The following EXOC6 variants were observed in gnomAD, a reference collection of about 807,000 sequenced individuals.
EXOC6 encodes exocyst complex component 6, also known as SEC15-like 1.
A neutral mutation model predicts 112.5 loss-of-function variants in EXOC6; 60 were observed. The observed-to-expected ratio is 0.53, with a 90% CI of 0.43 to 0.66. The LOEUF is 0.66. Ranked by LOEUF, EXOC6 falls within the 30% of genes least tolerant of loss-of-function variation. EXOC6 has a pLI of 0.00. For missense variants in EXOC6, 855 were observed against 957.1 expected (o/e 0.89, Z 1.41); for synonymous variants, 295 against 308.0 (o/e 0.96, Z 0.44).
rs1589855895 is a variant in EXOC6, at chr10:92,932,070, A to G, written c.973-2074A>G. 2.6e-5 allele frequency among the ~76,000 whole-genome samples: 4 copies of G among 152,328 alleles called. No individual in the cohort carries two copies. The East Asian group carries it at 7.7e-4, about 29-fold the overall frequency. On this transcript the variant is annotated intron_variant, in intron 9 of 21. Coordinates refer to ENST00000260762, the MANE Select transcript of EXOC6 (RefSeq NM_019053.6). ...CTAGTGAATAAATTGTGGTACATCC[A>G]TATGTATAAACAAATTATTGTATGT...
chr10:92,860,105 A>ATGTTTCTTCTTTT (rs1847834505), intron 1 of EXOC6, among the ~76,000 whole-genome samples: 1 of 151,798 alleles, frequency 6.6e-6, no homozygotes, highest in South Asian at 2.1e-4. Context: ...GTGGATTAAA[A>ATGTTTCTTCTTTT]CCCCTAATCT....
chr10:92,983,402 G>A (rs75226693), intron 18 of EXOC6, among the ~76,000 whole-genome samples: 1,620 of 151,868 alleles, frequency 0.011, 34 homozygotes, highest in African/African-American at 0.037. Context: ...TAGTGAGCCT[G>A]TGAAATACAA....
Position 93,057,054 on chromosome 10 carries a change from C to CT in EXOC6, c.2282+24dup. On this transcript the variant is annotated intron_variant, in intron 21 of 21. Coordinates refer to ENST00000260762, the MANE Select transcript of EXOC6 (RefSeq NM_019053.6). ...TTGGAGAAGTGAGTATATTCTGAAA[C>CT]TTTTTTGTATAACATTTTAGCACCT... 2 of 949,186 alleles carry CT rather than the reference C, an allele frequency of 2.1e-6. No homozygotes were observed. Among genetic ancestry groups the CT allele is most frequent in the Non-Finnish European group, 3.0e-6 (2 of 657,754 alleles). The allele number at this position is 949,186 out of a possible 1,614,324, so 58.8% of individuals were successfully genotyped here. A position where few individuals can be genotyped will look rare whatever the true frequency, so the allele number is the denominator to read the frequency against.
Position 92,915,750 on chromosome 10 carries a change from C to T in EXOC6, c.664-8C>T. 1 of 1,505,056 alleles carries T rather than the reference C, an allele frequency of 6.6e-7. No homozygotes were observed. The highest frequency in any genetic ancestry group is 1.5e-5 in the African/African-American group (1 of 68,286). 93.2% of individuals were successfully genotyped at this position (1,505,056 alleles called of 1,614,324 possible). On this transcript the variant is annotated splice_region_variant and splice_polypyrimidine_tract_variant and intron_variant, in intron 6 of 21. Coordinates refer to ENST00000260762, the MANE Select transcript of EXOC6 (RefSeq NM_019053.6). ...GAAATAATCTGAATTTCTCTCTCTT[C>T]AAAATAGGCACAGCATCAGAAAACC...
exon 1 of EXOC6, chr10:92,834,764 C>G (rs199986486): frequency 1.2e-5 from 20 of 1,610,618 alleles, no homozygotes; most frequent in Non-Finnish European, 8.5e-7. Context: ...ACAGATCAAA[C>G]CTATGAGAAT....
At chr10:92,992,837 A>G (rs1843329544) in intron 18 of EXOC6, among the ~76,000 whole-genome samples, 1 of 151,760 alleles carries the variant, frequency 6.6e-6, no homozygotes, top group South Asian at 2.1e-4. Flanking sequence ...TCTTTAGGAG[A>G]GCTACAATTT....
chr10:92,945,707 T>G (rs1217981816), intron 13 of EXOC6, among the ~76,000 whole-genome samples: 1 of 152,154 alleles, frequency 6.6e-6, no homozygotes, highest in Non-Finnish European at 1.5e-5. Flanking sequence ...CTTTTAACCT[T>G]TCATCATTTT....
At chr10:92,929,964 G>GT (rs1851937681) in intron 9 of EXOC6, among the ~76,000 whole-genome samples, 1 of 152,152 alleles carries the variant, frequency 6.6e-6, no homozygotes, top group African/African-American at 2.4e-5. Context: ...AATCCACAGA[G>GT]TCAAGTCCAA....
intron 7 of EXOC6, 21 bp downstream of exon 7, chr10:92,915,934 T>C (rs1439100736): frequency 6.8e-7 from 1 of 1,476,180 alleles, no homozygotes; most frequent in East Asian, 2.7e-5. Context: ...TCTTTCTTTC[T>C]TTTCTATTAT....
intron 20 of EXOC6, among the ~76,000 whole-genome samples, chr10:93,021,596 G>A (rs1178807060): frequency 2.6e-5 from 4 of 152,164 alleles, no homozygotes; most frequent in Non-Finnish European, 5.9e-5. Context: ...CTCTGTTGCA[G>A]TGCTATTTCC....
chr10:92,988,322 G>A (rs935718927), intron 18 of EXOC6, among the ~76,000 whole-genome samples: 1 of 152,076 alleles, frequency 6.6e-6, no homozygotes, highest in African/African-American at 2.4e-5. Flanking sequence ...GAACTAACAA[G>A]TATTCTTTGA....
chr10:92,848,599 G>C lies in EXOC6; in HGVS notation c.66G>C (p.Glu22Asp). The C allele has an allele frequency of 6.9e-7, 1 of 1,453,878 alleles. No homozygotes were observed. Among genetic ancestry groups the C allele is most frequent in the Non-Finnish European group, 9.2e-7 (1 of 1,086,564 alleles). The allele number at this position is 1,453,878 out of a possible 1,614,324, so 90.1% of individuals were successfully genotyped here. A position where few individuals can be genotyped will look rare whatever the true frequency, so the allele number is the denominator to read the frequency against. Reference sequence around the variant, plus strand: ...ACGAGCGGATCTTGCAGGAGATCGAGAGCACCGACACCGCCTGTGTGGGGC... The same window carrying C: ...ACGAGCGGATCTTGCAGGAGATCGACAGCACCGACACCGCCTGTGTGGGGC... ...PEHERILQEI[E>D]STDTACVGPT... Residue 22 changes from glutamate to aspartate, a missense_variant, in exon 1 of 22, where the codon GAG becomes GAC. By Grantham distance (45) the Glu-to-Asp change is conservative. Coordinates refer to ENST00000260762, the MANE Select transcript of EXOC6 (RefSeq NM_019053.6).
intron 1 of EXOC6, among the ~76,000 whole-genome samples, chr10:92,863,914 C>CA (rs756843855): frequency 0.071 from 3,537 of 49,772 alleles, 133 homozygotes; most frequent in African/African-American, 0.19. Flanking sequence ...GACTCCATCT[C>CA]AAAAAAAAAA....
intron 1 of EXOC6, among the ~76,000 whole-genome samples, chr10:92,840,724 G>T (rs1327247967): frequency 2.6e-5 from 4 of 151,774 alleles, no homozygotes; most frequent in Non-Finnish European, 5.9e-5. Context: ...GAATACAGTG[G>T]CACAGTCTTG....
chr10:92,874,557 T>C (rs1481372463), intron 1 of EXOC6, among the ~76,000 whole-genome samples: 1 of 149,906 alleles, frequency 6.7e-6, no homozygotes, highest in Admixed American at 6.6e-5. Flanking sequence ...TTGTAAGAAA[T>C]GTGTGTGTGT....
chr10:92,881,566 A>C (rs1447345219), intron 1 of EXOC6, among the ~76,000 whole-genome samples: 2 of 152,176 alleles, frequency 1.3e-5, no homozygotes, highest in Non-Finnish European at 2.9e-5. Flanking sequence ...TTGCTTGTGC[A>C]CTTACACAAT....
intron 4 of EXOC6, among the ~76,000 whole-genome samples, chr10:92,896,181 ATTTTTTTTTTTTTTT>A (rs58783356): frequency 0.014 from 147 of 10,224 alleles, 4 homozygotes; most frequent in East Asian, 0.09. Flanking sequence ...ATATATATAT[ATTTTTTTTTTTTTTT>A]TTTTTTTTTT....
intron 17 of EXOC6, among the ~76,000 whole-genome samples, chr10:92,963,589 G>C (rs1854141732): frequency 1.3e-5 from 2 of 148,510 alleles, no homozygotes. Context: ...CTGGGCTCAA[G>C]TGATCTTCCC....
At chr10:92,850,620 C>A (rs1276440826) in intron 1 of EXOC6, among the ~76,000 whole-genome samples, 1 of 151,964 alleles carries the variant, frequency 6.6e-6, no homozygotes, top group African/African-American at 2.4e-5. Context: ...TGTAATGAAC[C>A]ACCATGAACT....
Sources: gnomAD v4.1 joint callset for allele counts (sites outside exome capture counted in the v4.1 genomes callset) on GRCh38, gnomAD v4.1.1 for gene constraint, MANE v1.5 for transcripts, NCBI Gene and HGNC (gene_info 2026-07-23, HGNC 2026-07-21) for gene names.